GNGT1: variants seen among roughly 807,000 people sequenced by gnomAD.
GNGT1 encodes guanine nucleotide-binding protein G(T) subunit gamma-T1.
GNGT1 carries 4 observed loss-of-function variants against 7.4 expected under a neutral mutation model. The ratio of observed to expected loss-of-function variants is 0.54; its 90% CI spans 0.27 to 1.24. The LOEUF is 1.24. GNGT1 is among the 50% of genes most tolerant of loss of function. GNGT1 has a pLI of 0.12. For synonymous variants in GNGT1, 37 were observed against 30.2 expected (o/e 1.23, Z -0.74); for missense variants, 95 against 82.4 (o/e 1.15, Z -0.59).
intron 2 of GNGT1, among the ~76,000 whole-genome samples, chr7:93,907,437 T>G (rs1026980574): frequency 3.3e-5 from 5 of 152,164 alleles, no homozygotes; most frequent in African/African-American, 1.2e-4. Context: ...CATAAGTACA[T>G]TCTACTCTTC....
In GNGT1 at chr7:93,911,121, C is replaced by T; in HGVS notation, c.*203C>T. 3.4e-6 allele frequency: 1 copy of T among 294,958 alleles called. No homozygotes were observed. The allele number at this position is 294,958 out of a possible 1,614,324, so 18.3% of individuals were successfully genotyped here. On this transcript the variant is annotated 3_prime_UTR_variant, in exon 3 of 3. Transcript: ENST00000248572. ...TTAACATAGCTGGCACAGGGTTTAA[C>T]ACATAATTGCCAATAAATATTGCTT... is the stretch of plus-strand genomic sequence containing the variant.
At chr7:93,907,594 T>C (rs1324990414) in intron 2 of GNGT1, among the ~76,000 whole-genome samples, 2 of 152,210 alleles carry the variant, frequency 1.3e-5, no homozygotes, top group East Asian at 3.8e-4. Flanking sequence ...CAAACAGTGA[T>C]GAAAGCTTGG....
chr7:93,906,991 A>G (rs1794384140), intron 2 of GNGT1, 149 bp downstream of exon 2: 4 of 393,744 alleles, frequency 1.0e-5, no homozygotes, highest in East Asian at 8.1e-5. Flanking sequence ...ATTGATAATC[A>G]ATCATAACTA....
intron 2 of GNGT1, among the ~76,000 whole-genome samples, chr7:93,907,733 A>G (rs1794398608): frequency 6.6e-6 from 1 of 152,190 alleles, no homozygotes; most frequent in Non-Finnish European, 1.5e-5. Context: ...CAAAGTAAAA[A>G]AGGATCTTGT....
intron 2 of GNGT1, among the ~76,000 whole-genome samples, chr7:93,908,876 C>A (rs981130748): frequency 6.6e-6 from 1 of 152,038 alleles, no homozygotes; most frequent in Admixed American, 6.5e-5. Context: ...CCTGTGCAAC[C>A]CTCATCTATG....
chr7:93,906,791 G>A lies in GNGT1; in HGVS notation c.45G>A (p.Leu15=). ...AGGACCTGACAGAAAAGGACAAATT[G>A]AAGATGGAAGTTGACCAGCTCAAGA... is the stretch of plus-strand genomic sequence containing the variant. The part of the protein sequence containing the change: ...NIEDLTEKDK[L]KMEVDQLKKE... Residue 15 remains leucine (L), a synonymous_variant, in exon 2 of 3, where the codon TTG becomes TTA. Coordinates refer to ENST00000248572, the MANE Select transcript of GNGT1 (RefSeq NM_021955.5). 1 of 1,606,672 alleles carries A rather than the reference G, an allele frequency of 6.2e-7. No individual in the cohort carries two copies. The highest frequency in any genetic ancestry group is 1.1e-5 in the South Asian group (1 of 89,846).
At chr7:93,906,911 C>T (rs1394257196) in intron 2 of GNGT1, 69 bp downstream of exon 2, 9 of 848,028 alleles carry the variant, frequency 1.1e-5, no homozygotes, top group Non-Finnish European at 1.7e-5. Context: ...GGTTAGAAAA[C>T]ATTGGCTGGA....
chr7:93,908,936 G>A (rs1346924364), intron 2 of GNGT1, among the ~76,000 whole-genome samples: 4 of 152,104 alleles, frequency 2.6e-5, no homozygotes, highest in Non-Finnish European at 5.9e-5. Context: ...GATAGTAATA[G>A]CATTTAATTC....
In GNGT1 at chr7:93,908,851, CACA is replaced by C. The variant is rs530576716; in HGVS notation, c.97-1934_97-1932del. ...ATATTCCCAGCTCAGATTCTTGCTC[CACA>C]ACAAATTTTTGCCTGTGCAACCCTC... On this transcript the variant is annotated intron_variant, in intron 2 of 2. Coordinates refer to ENST00000248572, the MANE Select transcript of GNGT1 (RefSeq NM_021955.5). Among the ~76,000 whole-genome samples, 67 of 152,076 alleles carry C rather than the reference CACA, an allele frequency of 4.4e-4. No individual in the cohort carries two copies. The Middle Eastern group carries it at 0.01, about 23-fold the overall frequency.
At chr7:93,906,680 T>C (rs1794378140) in intron 1 of GNGT1, 36 bp downstream of exon 1, 1 of 881,470 alleles carries the variant, frequency 1.1e-6, no homozygotes, top group Admixed American at 2.1e-5. Flanking sequence ...TGGCTAAGAC[T>C]GACTTGAAAT....
At position 93,906,828 on chromosome 7, in the gene GNGT1, C is replaced by T. The variant is rs200035274; in HGVS notation, c.82C>T (p.Leu28=). Residue 28 remains leucine (L), a synonymous_variant, in exon 2 of 3, where the codon CTG becomes TTG. Transcript: ENST00000248572. ...EVDQLKKEVT[L]ERMLVSKCCE... is the part of the protein sequence containing the mutation. The stretch of plus-strand genomic sequence containing the variant: ...TGACCAGCTCAAGAAAGAAGTGACA[C>T]TGGAAAGAATGCTAGTAAGTTGCTG... 6.3e-7 allele frequency: 1 copy of T among 1,586,714 alleles called. No homozygotes were observed. The highest frequency in any genetic ancestry group is 1.1e-5 in the South Asian group (1 of 88,236).
intron 2 of GNGT1, chr7:93,909,334 A>T (rs973825074): frequency 7.9e-6 from 4 of 503,778 alleles, no homozygotes; most frequent in African/African-American, 7.7e-5. Flanking sequence ...TACCTTAACT[A>T]AGACTAAATA....
At position 93,909,389 on chromosome 7, in the gene GNGT1, A is replaced by G. The variant is rs1794425978; in HGVS notation, c.97-1401A>G. 6.1e-6 allele frequency: 4 copies of G among 651,114 alleles called. No individual in the cohort carries two copies. The Admixed American group carries it at 6.9e-5, about 11-fold the overall frequency. 40.3% of individuals were successfully genotyped at this position (651,114 alleles called of 1,614,324 possible). ...CTTGCAATCCTATGTTAAACTACAT[A>G]TATTTATATTAAGCATCACTGAAAT... On this transcript the variant is annotated intron_variant, in intron 2 of 2. Transcript: ENST00000248572.
chr7:93,907,528 C>G lies in GNGT1; in HGVS notation c.96+686C>G, dbSNP rs890698583. ...TTCTGACAAATCTTGGAAAGGGTTA[C>G]CAACAGTTCACTGCCATTAGAAGGA... On this transcript the variant is annotated intron_variant, in intron 2 of 2. Coordinates refer to ENST00000248572, the MANE Select transcript of GNGT1 (RefSeq NM_021955.5). 2.0e-5 allele frequency among the ~76,000 whole-genome samples: 3 copies of G among 152,096 alleles called. No individual in the cohort carries two copies. The East Asian group carries it at 5.8e-4, about 29-fold the overall frequency.
chr7:93,909,096 T>C (rs907418967), intron 2 of GNGT1, among the ~76,000 whole-genome samples: 2 of 152,180 alleles, frequency 1.3e-5, no homozygotes, highest in Non-Finnish European at 2.9e-5. Flanking sequence ...TTATTGTGAT[T>C]TTTTTTGAGT....
At position 93,906,803 on chromosome 7, in the gene GNGT1, T is replaced by C. The variant is rs150956934; in HGVS notation, c.57T>C (p.Val19=). Residue 19 remains valine, a synonymous_variant, in exon 2 of 3, where the codon GTT becomes GTC. Transcript: ENST00000248572. ...AAAAGGACAAATTGAAGATGGAAGT[T>C]GACCAGCTCAAGAAAGAAGTGACAC... ...LTEKDKLKME[V]DQLKKEVTLE... The C allele has an allele frequency of 4.3e-5, 69 of 1,605,758 alleles. 1 individual carries two copies. The highest frequency in any genetic ancestry group is 2.2e-5 in the Non-Finnish European group (26 of 1,176,018).
At chr7:93,908,107 T>G (rs1794404407) in intron 2 of GNGT1, among the ~76,000 whole-genome samples, 1 of 152,208 alleles carries the variant, frequency 6.6e-6, no homozygotes. Flanking sequence ...CTTGGACTTT[T>G]TATTTTGGGT....
intron 2 of GNGT1, chr7:93,909,847 A>T (rs1584091509): frequency 2.6e-4 from 6 of 22,956 alleles, no homozygotes; most frequent in Non-Finnish European, 4.7e-4. Context: ...ATTTCATTTG[A>T]AAAAAAAAAA....
rs1584089198 is a variant in GNGT1 at position 93,906,621 on chromosome 7, A to T, written c.-35A>T. ...AATTGGTTATCGTGGGATATTTAAAATAAAACAAAGAACAGTTTACTTTGT... is the reference window on the plus strand; with the variant it reads ...AATTGGTTATCGTGGGATATTTAAATTAAAACAAAGAACAGTTTACTTTGT... On this transcript the variant is annotated 5_prime_UTR_variant, in exon 1 of 3. Coordinates refer to ENST00000248572, the MANE Select transcript of GNGT1 (RefSeq NM_021955.5). 1 of 669,164 alleles carries T rather than the reference A, an allele frequency of 1.5e-6. No individual in the cohort carries two copies. Among genetic ancestry groups the T allele is most frequent in the East Asian group, 2.9e-5 (1 of 34,530 alleles). The allele number at this position is 669,164 out of a possible 1,614,324, so 41.5% of individuals were successfully genotyped here.
Sources: allele counts gnomAD v4.1 joint callset (sites outside exome capture counted in the v4.1 genomes callset), GRCh38; gene constraint gnomAD v4.1.1; transcripts MANE v1.5; gene names NCBI Gene and HGNC (gene_info 2026-07-23, HGNC 2026-07-21).